FAIM2: variants seen among roughly 807,000 people sequenced by gnomAD.
FAIM2 encodes Fas apoptotic inhibitory molecule 2, also known as protein lifeguard 2.
In FAIM2, 27 loss-of-function variants were observed where a neutral mutation model predicts 47.4. The ratio of observed to expected loss-of-function variants is 0.57; its 90% CI spans 0.42 to 0.78. The LOEUF is 0.78. FAIM2 is among the 30% of genes least tolerant of loss of function. The pLI, the probability that FAIM2 is intolerant of heterozygous loss-of-function variation, is 0.00. For synonymous variants in FAIM2, 156 were observed against 159.3 expected, an observed-to-expected ratio of 0.98 and a Z score of 0.16; for missense variants, 311 against 389.4, an observed-to-expected ratio of 0.80 and a Z score of 1.69.
chr12:49,886,472 A>T (rs747944806), intron 11 of FAIM2, among the ~76,000 whole-genome samples: 87 of 151,836 alleles, frequency 5.7e-4, no homozygotes, highest in African/African-American at 4.4e-4. Flanking sequence ...ATCTTAATTT[A>T]TTTATTATTA....
At chr12:49,890,217 G>A (rs544179125) in intron 7 of FAIM2, 63 bp from the exon 8 acceptor site, 54 of 1,519,290 alleles carry the variant, frequency 3.6e-5, no homozygotes, top group East Asian at 4.5e-5. Flanking sequence ...AGGCACCCTC[G>A]AGGTCCAGCT....
At chr12:49,892,460 AAC>A (rs751128832) in intron 5 of FAIM2, among the ~76,000 whole-genome samples, 4 of 152,130 alleles carry the variant, frequency 2.6e-5, no homozygotes, top group Admixed American at 6.5e-5. Flanking sequence ...GAGCCCAACA[AAC>A]ACAGTCTCAG....
intron 11 of FAIM2, among the ~76,000 whole-genome samples, chr12:49,880,380 GTCTA>G (rs1946806586): frequency 7.0e-6 from 1 of 142,416 alleles, no homozygotes; most frequent in African/African-American, 2.6e-5. Flanking sequence ...GTGTATGTGT[GTCTA>G]TGTGTGCATG....
chr12:49,870,466 G>A lies in FAIM2; in HGVS notation c.*38C>T, dbSNP rs370498641. ...GGGGAGGGACAGGGAACCAGGAGGG[G>A]CGCATTCTCTGGAGGACGGTGGGGC... On this transcript the variant is annotated 3_prime_UTR_variant, in exon 12 of 12. Transcript: ENST00000320634. 1 of 1,597,222 alleles carries A rather than the reference G, an allele frequency of 6.3e-7. No homozygotes were observed. The highest frequency in any genetic ancestry group is 8.6e-7 in the Non-Finnish European group (1 of 1,167,254).
intron 5 of FAIM2, among the ~76,000 whole-genome samples, chr12:49,893,909 G>T (rs112937169): frequency 0.011 from 1,641 of 152,302 alleles, 30 homozygotes; most frequent in African/African-American, 0.038. Flanking sequence ...GTGGGTGTGG[G>T]TTCTATCTCG....
chr12:49,870,245 C>A lies in FAIM2; in HGVS notation c.*259G>T, dbSNP rs1946692000. 32 of 383,976 alleles carry A rather than the reference C, an allele frequency of 8.3e-5. No homozygotes were observed. The East Asian group carries it at 1.5e-3, about 18-fold the overall frequency. 23.8% of individuals were successfully genotyped at this position (383,976 alleles called of 1,614,324 possible). A position where few individuals can be genotyped will look rare whatever the true frequency, so the allele number is the denominator to read the frequency against. ...CTTGGACCCTCAAACCCAGAGGAGC[C>A]TTCAGCCTTGACCGTCCCAGTTTGG... is the stretch of plus-strand genomic sequence containing the variant. On this transcript the variant is annotated 3_prime_UTR_variant, in exon 12 of 12. Coordinates refer to ENST00000320634, the MANE Select transcript of FAIM2 (RefSeq NM_012306.4).
intron 5 of FAIM2, among the ~76,000 whole-genome samples, chr12:49,894,177 C>T (rs1329783307): frequency 1.3e-5 from 2 of 152,212 alleles, no homozygotes; most frequent in Non-Finnish European, 2.9e-5. Flanking sequence ...ACTCACTGGC[C>T]TGTTGGGAGG....
At chr12:49,883,201 C>T (rs551085676) in intron 11 of FAIM2, among the ~76,000 whole-genome samples, 8 of 152,104 alleles carry the variant, frequency 5.3e-5, no homozygotes, top group Admixed American at 1.3e-4. Context: ...AACGGAGGAA[C>T]GAGGGGACCT....
chr12:49,884,756 C>T (rs983934406), intron 11 of FAIM2, among the ~76,000 whole-genome samples: 3 of 152,158 alleles, frequency 2.0e-5, no homozygotes, highest in Admixed American at 6.5e-5. Context: ...GGGCGGATCA[C>T]GAGGTCAGGA....
chr12:49,869,906 C>CCTA lies in FAIM2; in HGVS notation c.*597_*598insTAG, dbSNP rs894541541. ...AGGCTTCAGACCCTCTCCTATTGCCCTTGGCCTCCAGGTCCAAATCCCTAG... is the reference window on the plus strand; with the variant it reads ...AGGCTTCAGACCCTCTCCTATTGCCCCTATTGGCCTCCAGGTCCAAATCCCTAG... On this transcript the variant is annotated 3_prime_UTR_variant, in exon 12 of 12. Coordinates refer to ENST00000320634, the MANE Select transcript of FAIM2 (RefSeq NM_012306.4). The CCTA allele has an allele frequency of 2.6e-5, 4 of 152,520 alleles. No individual in the cohort carries two copies. Among genetic ancestry groups the CCTA allele is most frequent in the African/African-American group, 9.7e-5 (4 of 41,410 alleles). 9.4% of individuals were successfully genotyped at this position (152,520 alleles called of 1,614,324 possible). A position where few individuals can be genotyped will look rare whatever the true frequency, so the allele number is the denominator to read the frequency against.
chr12:49,871,164 C>G (rs906662665), intron 11 of FAIM2, among the ~76,000 whole-genome samples: 1 of 152,152 alleles, frequency 6.6e-6, no homozygotes, highest in Non-Finnish European at 1.5e-5. Flanking sequence ...ATCAGTGCTA[C>G]CGACATCCCC....
chr12:49,867,103 C>T lies in FAIM2; in HGVS notation c.*3401G>A, dbSNP rs1448770091. 1 of 152,020 alleles carries T rather than the reference C, an allele frequency of 6.6e-6. No individual in the cohort carries two copies. Among genetic ancestry groups the T allele is most frequent in the Non-Finnish European group, 1.5e-5 (1 of 68,068 alleles). 9.4% of individuals were successfully genotyped at this position (152,020 alleles called of 1,614,324 possible). ...ACTCAGGAGAACGGCTCAGGGAGGG[C>T]TTGGGAGGGGGTACACTGTGTCCGA... On this transcript the variant is annotated 3_prime_UTR_variant, in exon 12 of 12. Coordinates refer to ENST00000320634, the MANE Select transcript of FAIM2 (RefSeq NM_012306.4).
chr12:49,875,765 A>C (rs548403903), intron 11 of FAIM2, among the ~76,000 whole-genome samples: 4 of 152,304 alleles, frequency 2.6e-5, no homozygotes, highest in Admixed American at 2.6e-4. Context: ...GCCTGAGGTC[A>C]GGAGTTCGAG....
chr12:49,903,864 TCTTC>T lies in FAIM2; in HGVS notation c.-76_-73del, dbSNP rs748428240. 7.4e-5 allele frequency: 107 copies of T among 1,436,660 alleles called. No individual in the cohort carries two copies. In the East Asian group the frequency reaches 2.2e-3, roughly 30 times the overall value. 89.0% of individuals were successfully genotyped at this position (1,436,660 alleles called of 1,614,324 possible). Reference sequence around the variant, plus strand: ...TGGGTAACCGCAGCCTGCCTGCGTCTCTTCCTTCCTCCGCGTGGGTTCTAGCAAC... The same window carrying T: ...TGGGTAACCGCAGCCTGCCTGCGTCTCTTCCTCCGCGTGGGTTCTAGCAAC... On this transcript the variant is annotated 5_prime_UTR_variant, in exon 1 of 12. Coordinates refer to ENST00000320634, the MANE Select transcript of FAIM2 (RefSeq NM_012306.4).
intron 11 of FAIM2, among the ~76,000 whole-genome samples, chr12:49,880,496 GTGTGTGTATGAGTGTGTATGTGCA>G (rs1946809783): frequency 6.7e-6 from 1 of 149,474 alleles, no homozygotes; most frequent in Non-Finnish European, 1.5e-5. Context: ...GCATGTGTAT[GTGTGTGTATGAGTGTGTATGTGCA>G]TGTGTATATG....
intron 10 of FAIM2, among the ~76,000 whole-genome samples, chr12:49,888,321 G>T (rs555429216): frequency 6.6e-6 from 1 of 152,340 alleles, no homozygotes; most frequent in East Asian, 1.9e-4. Context: ...GGCTGGGGCT[G>T]GGCAGGATGG....
chr12:49,899,061 A>C (rs1431152841), intron 2 of FAIM2, among the ~76,000 whole-genome samples: 1 of 151,988 alleles, frequency 6.6e-6, no homozygotes, highest in Non-Finnish European at 1.5e-5. Flanking sequence ...GCAGGGGTGG[A>C]TCCCTCCCCT....
At chr12:49,898,974 G>C (rs1351070923) in intron 2 of FAIM2, among the ~76,000 whole-genome samples, 1 of 152,108 alleles carries the variant, frequency 6.6e-6, no homozygotes, top group Non-Finnish European at 1.5e-5. Context: ...CAAGAAGTGG[G>C]GGTGAGGATG....
intron 11 of FAIM2, 67 bp from the exon 12 acceptor site, chr12:49,870,720 C>T: frequency 6.6e-7 from 1 of 1,515,358 alleles, no homozygotes; most frequent in South Asian, 1.2e-5. Context: ...ACTATGGCAG[C>T]CCAGGTGTCC....
Sources: gnomAD v4.1 joint callset for allele counts (sites outside exome capture counted in the v4.1 genomes callset) on GRCh38, gnomAD v4.1.1 for gene constraint, MANE v1.5 for transcripts, NCBI Gene and HGNC (gene_info 2026-07-23, HGNC 2026-07-21) for gene names.